PTPRO: variants seen among roughly 807,000 people sequenced by gnomAD.
PTPRO encodes protein tyrosine phosphatase receptor type O.
PTPRO carries 62 observed loss-of-function variants against 145.2 expected under a neutral mutation model. The observed-to-expected ratio is 0.43, with a 90% CI of 0.35 to 0.53. The LOEUF is 0.53. Ranked by LOEUF, PTPRO falls within the 20% of genes least tolerant of loss-of-function variation. The probability of loss-of-function intolerance (pLI) is 0.01; values close to 1 mark genes in which losing one functional copy is unlikely to be tolerated. For synonymous variants in PTPRO, 565 were observed against 514.7 expected, an observed-to-expected ratio of 1.10 and a Z score of -1.32; for missense variants, 1,345 against 1,482.7, an observed-to-expected ratio of 0.91 and a Z score of 1.53.
chr12:15,426,855 T>C (rs1179805318), intron 1 of PTPRO, among the ~76,000 whole-genome samples: 2 of 152,084 alleles, frequency 1.3e-5, no homozygotes, highest in East Asian at 3.8e-4. Flanking sequence ...TATGCATTTT[T>C]ATTTGCTCAA....
At chr12:15,474,571 G>A (rs1941613600) in intron 1 of PTPRO, among the ~76,000 whole-genome samples, 1 of 152,162 alleles carries the variant, frequency 6.6e-6, no homozygotes, top group East Asian at 1.9e-4. Flanking sequence ...GAGAATGCTG[G>A]ACCAGAGAAA....
At chr12:15,524,016 C>G (rs1942783770) in intron 10 of PTPRO, among the ~76,000 whole-genome samples, 1 of 151,832 alleles carries the variant, frequency 6.6e-6, no homozygotes, top group African/African-American at 2.4e-5. Flanking sequence ...ACAGGCTGGT[C>G]TTGAACTGGA....
At chr12:15,358,783 A>G (rs1467934241) in intron 1 of PTPRO, among the ~76,000 whole-genome samples, 2 of 152,248 alleles carry the variant, frequency 1.3e-5, no homozygotes, top group Admixed American at 6.5e-5. Flanking sequence ...AAATGTGAAC[A>G]GAAGTTGTCA....
At chr12:15,426,732 C>G (rs1028808496) in intron 1 of PTPRO, among the ~76,000 whole-genome samples, 2 of 151,950 alleles carry the variant, frequency 1.3e-5, no homozygotes, top group Non-Finnish European at 2.9e-5. Flanking sequence ...AGATTTTACC[C>G]AAATTTCACC....
At chr12:15,426,707 A>T (rs1037617712) in intron 1 of PTPRO, among the ~76,000 whole-genome samples, 1 of 152,046 alleles carries the variant, frequency 6.6e-6, no homozygotes, top group Non-Finnish European at 1.5e-5. Context: ...AATTATCTTC[A>T]TTCTTGAAAT....
chr12:15,505,020 G>A (rs1268795024), intron 6 of PTPRO, among the ~76,000 whole-genome samples: 3 of 152,192 alleles, frequency 2.0e-5, no homozygotes, highest in Non-Finnish European at 2.9e-5. Context: ...CAACTGCCTT[G>A]TGTGTCTTTC....
At chr12:15,405,332 G>A (rs2136304764) in intron 1 of PTPRO, among the ~76,000 whole-genome samples, 1 of 152,188 alleles carries the variant, frequency 6.6e-6, no homozygotes, top group Admixed American at 6.5e-5. Flanking sequence ...AATGGAAATT[G>A]CTTATTTGCC....
intron 1 of PTPRO, among the ~76,000 whole-genome samples, chr12:15,421,154 CT>C (rs1452668420): frequency 6.6e-6 from 1 of 152,182 alleles, no homozygotes; most frequent in African/African-American, 2.4e-5. Flanking sequence ...AAATGCTTCT[CT>C]AAACAATGAT....
intron 1 of PTPRO, among the ~76,000 whole-genome samples, chr12:15,474,232 A>G (rs546163544): frequency 1.7e-3 from 256 of 152,278 alleles, no homozygotes; most frequent in African/African-American, 6.0e-3. Flanking sequence ...CTTTCCTTCA[A>G]TTCTGACTAG....
intron 18 of PTPRO, among the ~76,000 whole-genome samples, chr12:15,569,101 GT>G (rs1164997630): frequency 6.6e-6 from 1 of 152,092 alleles, no homozygotes; most frequent in Non-Finnish European, 1.5e-5. Context: ...ATATGCCAGA[GT>G]TTTTTAGAAG....
At chr12:15,489,459 G>A (rs1941955562) in intron 2 of PTPRO, among the ~76,000 whole-genome samples, 1 of 152,180 alleles carries the variant, frequency 6.6e-6, no homozygotes, top group Non-Finnish European at 1.5e-5. Flanking sequence ...TTCCAAAAAG[G>A]GTGGACAGTT....
rs138142418 is a variant in PTPRO, at chr12:15,508,649, C to T, written c.1346C>T (p.Ala449Val). The T allele has an allele frequency of 4.3e-6, 7 of 1,613,944 alleles. No individual in the cohort carries two copies. Among genetic ancestry groups the T allele is most frequent in the Non-Finnish European group, 5.9e-6 (7 of 1,180,000 alleles). The change falls in exon 7 of 27, where the codon GCC (alanine) becomes GTC (valine). Residue 449 changes from alanine (A) to valine (V), a missense_variant. Physicochemically the swap from Ala to Val is moderately conservative, Grantham distance 64 (BLOSUM62 0). Transcript: ENST00000281171. The stretch of plus-strand genomic sequence containing the variant: ...GTCCACGTTTTAAGCTCAACCACTG[C>T]CTTGATGTCCTGGACATCTTCCCAA... The part of the protein sequence containing the change: ...VSVHVLSSTT[A>V]LMSWTSSQEN...
intron 1 of PTPRO, chr12:15,440,173 TG>T: frequency 1.5e-6 from 1 of 688,176 alleles, no homozygotes. Context: ...TCATGATGGC[TG>T]GTATCAATGA....
At chr12:15,478,327 C>T (rs906463127) in intron 1 of PTPRO, among the ~76,000 whole-genome samples, 1 of 152,194 alleles carries the variant, frequency 6.6e-6, no homozygotes, top group Non-Finnish European at 1.5e-5. Flanking sequence ...CTGACAATTG[C>T]TTCAATTACT....
intron 2 of PTPRO, among the ~76,000 whole-genome samples, chr12:15,496,142 G>GTTTTTTTTTTTTTTTTTTTTTTTT (rs71042255): frequency 4.0e-5 from 3 of 75,366 alleles, no homozygotes; most frequent in Non-Finnish European, 7.2e-5. Flanking sequence ...TTCTTTTTTT[G>GTTTTTTTTTTTTTTTTTTTTTTTT]TTTTTTTTTT....
At chr12:15,437,842 C>T (rs1940641980) in intron 1 of PTPRO, among the ~76,000 whole-genome samples, 1 of 152,184 alleles carries the variant, frequency 6.6e-6, no homozygotes, top group Non-Finnish European at 1.5e-5. Flanking sequence ...GGTGCTTGTG[C>T]TTGCATCAGG....
At chr12:15,419,873 T>C (rs1379851306) in intron 1 of PTPRO, among the ~76,000 whole-genome samples, 1 of 146,588 alleles carries the variant, frequency 6.8e-6, no homozygotes, top group Non-Finnish European at 1.5e-5. Flanking sequence ...CTGGGCCGGG[T>C]GCAGTGGCTC....
chr12:15,598,173 A>G lies in PTPRO; in HGVS notation c.*2100A>G, dbSNP rs369883549. On this transcript the variant is annotated 3_prime_UTR_variant, in exon 27 of 27. Transcript: ENST00000281171. ...AGACTGAAGGCTTAGAGTCAAAACT[A>G]CAGGAAGGTCACACTGTTCTCTGGA... 1.1e-4 allele frequency among the ~76,000 whole-genome samples: 17 copies of G among 152,354 alleles called. 1 individual carries two copies. The highest frequency in any genetic ancestry group is 4.1e-4 in the African/African-American group (17 of 41,586).
At chr12:15,513,416 A>G (rs1412687201) in intron 7 of PTPRO, among the ~76,000 whole-genome samples, 4 of 152,186 alleles carry the variant, frequency 2.6e-5, no homozygotes, top group Admixed American at 1.3e-4. Context: ...AAGAGTATAA[A>G]TATGAAAGAA....
Sources: allele counts gnomAD v4.1 joint callset (sites outside exome capture counted in the v4.1 genomes callset), GRCh38; gene constraint gnomAD v4.1.1; transcripts MANE v1.5; gene names NCBI Gene and HGNC (gene_info 2026-07-23, HGNC 2026-07-21).